Variants in PARVB observed in about 807,000 individuals in gnomAD.
PARVB encodes the protein beta-parvin.
A neutral mutation model predicts 47.0 loss-of-function variants in PARVB; 46 were observed. The observed-to-expected ratio is 0.98, with a 90% CI of 0.77 to 1.25. The LOEUF (loss-of-function observed/expected upper bound fraction) is 1.25, where lower values mean the gene tolerates loss of function less well. PARVB is among the 50% of genes most tolerant of loss of function. PARVB has a pLI of 0.00. For synonymous variants in PARVB, 196 were observed against 196.3 expected (o/e 1.00, Z 0.01); for missense variants, 473 against 471.6 (o/e 1.00, Z -0.03).
In PARVB at chr22:44,089,898, C is replaced by T. The variant is rs1314874607; in HGVS notation, c.113-4030C>T. On this transcript the variant is annotated intron_variant, in intron 1 of 12. Coordinates refer to ENST00000338758, the MANE Select transcript of PARVB (RefSeq NM_013327.5). This position sits in a 1 kb window ranked among gnomAD's most constrained non-coding sequence, Gnocchi z 4.0. ...TCCTTAGCCTGGCCATATTTCAAGG[C>T]CAGTTCAATTGCTGCCTCCTCCAGG... Among the ~76,000 whole-genome samples the T allele has an allele frequency of 1.3e-5, 2 of 152,182 alleles. No homozygotes were observed. Among genetic ancestry groups the T allele is most frequent in the Non-Finnish European group, 2.9e-5 (2 of 68,038 alleles).
At chr22:44,087,839 C>T (rs929396203) in intron 1 of PARVB, among the ~76,000 whole-genome samples, 24 of 138,282 alleles carry the variant, frequency 1.7e-4, no homozygotes, top group Middle Eastern at 3.7e-3. Flanking sequence ...AAATCAGGAA[C>T]GATGGTGTTT....
At chr22:44,081,956 G>A (rs1385993805) in intron 1 of PARVB, among the ~76,000 whole-genome samples, 3 of 152,258 alleles carry the variant, frequency 2.0e-5, no homozygotes, top group Admixed American at 1.3e-4. Flanking sequence ...TTGGAGAAAT[G>A]TGACAGACGC....
At chr22:44,052,624 T>A (rs2146940918) in intron 1 of PARVB, among the ~76,000 whole-genome samples, 1 of 152,192 alleles carries the variant, frequency 6.6e-6, no homozygotes, top group Non-Finnish European at 1.5e-5. Context: ...AGCATAGCCG[T>A]GGCTGCGTCC....
At chr22:44,048,831 A>G (rs1375882301) in intron 1 of PARVB, among the ~76,000 whole-genome samples, 3 of 152,112 alleles carry the variant, frequency 2.0e-5, no homozygotes, top group Non-Finnish European at 4.4e-5. Context: ...AAGTGCTGGG[A>G]TTACAGGCAT....
intron 2 of PARVB, among the ~76,000 whole-genome samples, chr22:44,010,278 A>C (rs2050509307): frequency 6.6e-6 from 1 of 152,168 alleles, no homozygotes; most frequent in Admixed American, 6.6e-5. Context: ...AGAAAGCACA[A>C]GTTGCTTTTC....
At chr22:44,083,779 C>T (rs771096900) in intron 1 of PARVB, among the ~76,000 whole-genome samples, 3 of 152,100 alleles carry the variant, frequency 2.0e-5, no homozygotes, top group African/African-American at 2.4e-5. Context: ...GAAGGTTTTG[C>T]GTTTTACCCT....
chr22:44,151,324 C>G, intron 9 of PARVB, 159 bp from the exon 10 acceptor site: 4 of 604,050 alleles, frequency 6.6e-6, no homozygotes, highest in Non-Finnish European at 6.0e-6. Flanking sequence ...GGGCTACTGT[C>G]AGGATATTGA....
chr22:44,151,152 A>T (rs1170943036), intron 9 of PARVB: 2 of 229,410 alleles, frequency 8.7e-6, no homozygotes, highest in Non-Finnish European at 1.7e-5. Context: ...TGCAAATGTA[A>T]TGATCCTCCC....
intron 2 of PARVB, among the ~76,000 whole-genome samples, chr22:44,012,960 G>T (rs946304926): frequency 2.0e-5 from 3 of 151,632 alleles, no homozygotes; most frequent in Middle Eastern, 3.2e-3. Flanking sequence ...GCAGTTGCGC[G>T]ATGTCAGCTT....
At position 44,132,876 on chromosome 22, in the gene PARVB, TCCTC is replaced by T; in HGVS notation, c.518-16_518-13del. On this transcript the variant is annotated splice_polypyrimidine_tract_variant and intron_variant, in intron 5 of 12. Transcript: ENST00000338758. ...GTAACCTGATCTAAAGCGTCTCCCTTCCTCCTTCCTCCTGCAGCAATTCACGGGA... is the reference window on the plus strand; with the variant it reads ...GTAACCTGATCTAAAGCGTCTCCCTTCTTCCTCCTGCAGCAATTCACGGGA... 6.4e-7 allele frequency: 1 copy of T among 1,573,514 alleles called. No individual in the cohort carries two copies. The highest frequency in any genetic ancestry group is 8.7e-7 in the Non-Finnish European group (1 of 1,143,228).
At chr22:44,120,669 C>CT (rs1242656702) in intron 4 of PARVB, among the ~76,000 whole-genome samples, 1 of 152,072 alleles carries the variant, frequency 6.6e-6, no homozygotes, top group Non-Finnish European at 1.5e-5. Context: ...AAAAAAACCA[C>CT]TTTTTTATTT....
At chr22:44,059,326 A>C (rs1409347959) in intron 1 of PARVB, among the ~76,000 whole-genome samples, 1 of 152,142 alleles carries the variant, frequency 6.6e-6, no homozygotes, top group African/African-American at 2.4e-5. Flanking sequence ...GATTACAGAC[A>C]TGAGCCTCTG....
chr22:44,128,302 C>T (rs79446746), intron 4 of PARVB, among the ~76,000 whole-genome samples: 4,049 of 152,336 alleles, frequency 0.027, 162 homozygotes, highest in African/African-American at 0.087. Context: ...TTCTTCATCA[C>T]ATGTGTACTC....
chr22:44,149,750 C>G (rs2053761693), intron 9 of PARVB: 1 of 150,972 alleles, frequency 6.6e-6, no homozygotes, highest in African/African-American at 2.4e-5. Flanking sequence ...CATCACAGGC[C>G]CTTTGGCGGG....
upstream of PARVB, chr22:44,024,292 G>A: frequency 1.1e-6 from 1 of 945,818 alleles, no homozygotes; most frequent in Non-Finnish European, 1.3e-6. Flanking sequence ...CGGGGCGACC[G>A]GGCGGCTCCA....
chr22:44,008,813 A>G (rs916794120), intron 2 of PARVB, among the ~76,000 whole-genome samples: 2 of 151,778 alleles, frequency 1.3e-5, no homozygotes, highest in African/African-American at 4.8e-5. Context: ...AGGAAACCCC[A>G]TCTCTACTAA....
At chr22:44,026,213 C>A in intron 1 of PARVB, 1 of 592,256 alleles carries the variant, frequency 1.7e-6, no homozygotes. Context: ...CTCCTCCTTG[C>A]CTGTATGAAT....
chr22:44,145,861 T>C (rs1319965283), intron 8 of PARVB: 1 of 152,170 alleles, frequency 6.6e-6, no homozygotes, highest in Non-Finnish European at 1.5e-5. Flanking sequence ...TTAAGCTGCA[T>C]TTATAGTTTG....
chr22:44,114,278 A>T (rs2052799152), intron 3 of PARVB: 2 of 154,384 alleles, frequency 1.3e-5, no homozygotes, highest in African/African-American at 4.9e-5. Flanking sequence ...GCACCAACAC[A>T]GATACATTGT....
Sources: gnomAD v4.1 joint callset for allele counts (sites outside exome capture counted in the v4.1 genomes callset) on GRCh38, gnomAD v4.1.1 for gene constraint, Gnocchi (gnomAD v3.1) non-coding constraint, MANE v1.5 for transcripts, NCBI Gene and HGNC (gene_info 2026-07-23, HGNC 2026-07-21) for gene names.